ASXL2: variants seen among roughly 807,000 people sequenced by gnomAD.
ASXL2 encodes ASXL transcriptional regulator 2, also known as putative Polycomb group protein ASXL2.
Under a neutral mutation model 122.0 loss-of-function variants are expected in ASXL2, and 23 were observed. The ratio of observed to expected loss-of-function variants is 0.19; its 90% CI spans 0.14 to 0.27. The LOEUF is 0.27. Among genes scored for constraint, ASXL2 ranks in the 10% least tolerant of loss-of-function variants. ASXL2 has a pLI of 1.00. For missense variants in ASXL2, 1,518 were observed against 1,713.8 expected (o/e 0.89, Z 2.02); for synonymous variants, 650 against 637.0 (o/e 1.02, Z -0.31).
At chr2:25,851,020 T>C (rs1281828234) in intron 1 of ASXL2, among the ~76,000 whole-genome samples, 1 of 151,798 alleles carries the variant, frequency 6.6e-6, no homozygotes, top group East Asian at 1.9e-4. Flanking sequence ...ATGCCTGTAA[T>C]CCCAGCTACT....
At chr2:25,790,384 A>G (rs2088812717) in intron 5 of ASXL2, among the ~76,000 whole-genome samples, 1 of 151,906 alleles carries the variant, frequency 6.6e-6, no homozygotes, top group Admixed American at 6.6e-5. Flanking sequence ...CTTAAAAAAA[A>G]AAACAAAAAC....
intron 3 of ASXL2, among the ~76,000 whole-genome samples, chr2:25,808,693 G>A (rs779089942): frequency 9.9e-5 from 15 of 152,112 alleles, no homozygotes; most frequent in Non-Finnish European, 2.2e-4. Context: ...GTTTTTTGGA[G>A]AGACCTGTTC....
chr2:25,834,164 C>T (rs530553100), intron 3 of ASXL2, among the ~76,000 whole-genome samples: 1 of 152,188 alleles, frequency 6.6e-6, no homozygotes, highest in Admixed American at 6.5e-5. Context: ...ACCAGCCTGG[C>T]CAGCATGGTA....
intron 1 of ASXL2, among the ~76,000 whole-genome samples, chr2:25,870,356 C>T (rs1024422302): frequency 1.3e-5 from 2 of 152,090 alleles, no homozygotes; most frequent in African/African-American, 4.8e-5. Flanking sequence ...AACCCCATCT[C>T]TACTAAAAAT....
Position 25,750,242 on chromosome 2 carries a change from C to T in ASXL2, c.1314G>A (p.Met438Ile). The change falls in exon 12 of 13, where the codon ATG (methionine) becomes ATA (isoleucine). Residue 438 changes from methionine to isoleucine, a missense_variant. By Grantham distance (10) the Met-to-Ile change is conservative. Around this residue, in one of 8 missense-constraint regions of ASXL2, gnomAD observed 292 missense variants for 293.5 expected, o/e 1.00. Coordinates refer to ENST00000435504, the MANE Select transcript of ASXL2 (RefSeq NM_018263.6). ...QSECKEEALQMSSPGRKEECE... is the reference protein window; with the variant it reads ...QSECKEEALQISSPGRKEECE... ...ACTCTTCTTTTCTGCCTGGTGATGACATTTGCAATGCTTCTTCTTTACACT... is the reference window on the plus strand; with the variant it reads ...ACTCTTCTTTTCTGCCTGGTGATGATATTTGCAATGCTTCTTCTTTACACT... 2 of 1,613,988 alleles carry T rather than the reference C, an allele frequency of 1.2e-6. No homozygotes were observed.
chr2:25,764,740 A>G (rs549898676), intron 8 of ASXL2, among the ~76,000 whole-genome samples: 1 of 152,354 alleles, frequency 6.6e-6, no homozygotes, highest in South Asian at 2.1e-4. Flanking sequence ...CTTTTCCCAT[A>G]TAATTAATGG....
At chr2:25,855,111 C>A (rs2089761229) in intron 1 of ASXL2, among the ~76,000 whole-genome samples, 1 of 152,164 alleles carries the variant, frequency 6.6e-6, no homozygotes, top group South Asian at 2.1e-4. Context: ...TTGACAGATA[C>A]CTCAAAGTTT....
At chr2:25,856,856 C>T in intron 1 of ASXL2, 2 of 826,666 alleles carry the variant, frequency 2.4e-6, no homozygotes, top group South Asian at 3.0e-5. Flanking sequence ...GGAACGAGGT[C>T]CAAGTGGCCC....
intron 5 of ASXL2, among the ~76,000 whole-genome samples, chr2:25,781,077 G>C (rs1011897992): frequency 1.2e-4 from 17 of 140,814 alleles, no homozygotes; most frequent in African/African-American, 4.4e-4. Context: ...AAAAAAAAAA[G>C]AAAAGAAATT....
intron 5 of ASXL2, among the ~76,000 whole-genome samples, chr2:25,790,026 C>G (rs1428171456): frequency 6.6e-6 from 1 of 152,000 alleles, no homozygotes; most frequent in African/African-American, 2.4e-5. Flanking sequence ...AAAAAAGGGA[C>G]AAGATCATTT....
intron 9 of ASXL2, among the ~76,000 whole-genome samples, chr2:25,758,051 T>A (rs2088171231): frequency 1.3e-5 from 2 of 152,170 alleles, no homozygotes. Flanking sequence ...CCAAGAGTTA[T>A]GTAGGGAGAG....
intron 1 of ASXL2, among the ~76,000 whole-genome samples, chr2:25,870,246 C>T (rs1224769151): frequency 6.6e-6 from 1 of 152,082 alleles, no homozygotes; most frequent in African/African-American, 2.4e-5. Flanking sequence ...AACCTGGTGG[C>T]CGGCGCAGTG....
At position 25,737,848 on chromosome 2, in the gene ASXL2, C is replaced by T. The variant is rs1172583640; in HGVS notation, c.*4181G>A. On this transcript the variant is annotated 3_prime_UTR_variant, in exon 13 of 13. Transcript: ENST00000435504. ...AATATGACTTTTTAAATGGTGTTGA[C>T]ACCAACTTCTCTGTACATACCCTCA... is the stretch of plus-strand genomic sequence containing the variant. 6.6e-6 allele frequency: 1 copy of T among 152,070 alleles called. No individual in the cohort carries two copies. The highest frequency in any genetic ancestry group is 2.4e-5 in the African/African-American group (1 of 41,388). 9.4% of individuals were successfully genotyped at this position (152,070 alleles called of 1,614,324 possible). A position where few individuals can be genotyped will look rare whatever the true frequency, so the allele number is the denominator to read the frequency against.
chr2:25,878,145 C>A, intron 1 of ASXL2, 21 bp downstream of exon 1: 1 of 1,613,732 alleles, frequency 6.2e-7, no homozygotes, highest in Non-Finnish European at 8.5e-7. Context: ...CCGGCCTTCC[C>A]CTTCGCTCCC....
At chr2:25,833,106 T>C (rs941042989) in intron 3 of ASXL2, among the ~76,000 whole-genome samples, 5 of 152,162 alleles carry the variant, frequency 3.3e-5, no homozygotes, top group Non-Finnish European at 7.4e-5. Context: ...GTATCTTGTG[T>C]GGTGGTAGGT....
At chr2:25,812,499 A>T (rs2089184824) in intron 3 of ASXL2, among the ~76,000 whole-genome samples, 1 of 152,150 alleles carries the variant, frequency 6.6e-6, no homozygotes, top group Non-Finnish European at 1.5e-5. Context: ...GATTGATAAA[A>T]TCCATTGCTG....
At position 25,765,278 on chromosome 2, in the gene ASXL2, G is replaced by A. The variant is rs1308136055; in HGVS notation, c.775+2305C>T. Reference sequence around the variant, plus strand: ...AGGCGGGCAGATCACGAGGTCAGGAGATCAAGACCATCCTGGCTAACACAG... The same window carrying A: ...AGGCGGGCAGATCACGAGGTCAGGAAATCAAGACCATCCTGGCTAACACAG... On this transcript the variant is annotated intron_variant, in intron 8 of 12. Coordinates refer to ENST00000435504, the MANE Select transcript of ASXL2 (RefSeq NM_018263.6). Among the ~76,000 whole-genome samples, 7 of 152,058 alleles carry A rather than the reference G, an allele frequency of 4.6e-5. No homozygotes were observed. In the South Asian group the frequency reaches 1.2e-3, roughly 27 times the overall value.
At chr2:25,849,000 A>C (rs1388559315) in intron 1 of ASXL2, among the ~76,000 whole-genome samples, 1 of 145,798 alleles carries the variant, frequency 6.9e-6, no homozygotes, top group East Asian at 2.1e-4. Context: ...AGCTGAGATC[A>C]CACCATTGCG....
chr2:25,861,149 G>C (rs1171529013), intron 1 of ASXL2, among the ~76,000 whole-genome samples: 2 of 151,994 alleles, frequency 1.3e-5, no homozygotes, highest in East Asian at 3.9e-4. Flanking sequence ...TTGAAAACAA[G>C]AAATCAATAC....
Sources: gnomAD v4.1 joint callset for allele counts (sites outside exome capture counted in the v4.1 genomes callset) on GRCh38, gnomAD v4.1.1 for gene constraint, gnomAD v4.1.1 regional missense constraint, MANE v1.5 for transcripts, NCBI Gene and HGNC (gene_info 2026-07-23, HGNC 2026-07-21) for gene names.